PTPRD: variants seen among roughly 807,000 people sequenced by gnomAD.
PTPRD encodes receptor-type tyrosine-protein phosphatase delta.
Under a neutral mutation model 214.5 loss-of-function variants are expected in PTPRD, and 34 were observed. The observed-to-expected ratio is 0.16, with a 90% CI of 0.12 to 0.21. The LOEUF is 0.21. PTPRD is among the 10% of genes least tolerant of loss of function. PTPRD has a pLI of 1.00. For missense variants in PTPRD, 2,545 were observed against 2,398.7 expected, an observed-to-expected ratio of 1.06 and a Z score of -1.27; for synonymous variants, 1,128 against 845.7, an observed-to-expected ratio of 1.33 and a Z score of -5.79.
intron 11 of PTPRD, among the ~76,000 whole-genome samples, chr9:8,980,822 A>C (rs2099308909): frequency 6.6e-6 from 1 of 152,220 alleles, no homozygotes; most frequent in Middle Eastern, 3.4e-3. Flanking sequence ...TACGGTGTAC[A>C]TTTATGAATC....
intron 11 of PTPRD, among the ~76,000 whole-genome samples, chr9:8,777,833 G>C (rs903505591): frequency 1.2e-4 from 19 of 152,280 alleles, no homozygotes; most frequent in African/African-American, 4.1e-4. Context: ...GCAAAGCATA[G>C]TGATTATCTC....
At chr9:8,489,329 G>T (rs1230184235) in intron 27 of PTPRD, among the ~76,000 whole-genome samples, 1 of 152,186 alleles carries the variant, frequency 6.6e-6, no homozygotes, top group Non-Finnish European at 1.5e-5. Context: ...CGAGATCAAA[G>T]TAATGATATA....
chr9:9,755,117 G>C (rs1239872771), intron 6 of PTPRD, among the ~76,000 whole-genome samples: 1 of 151,962 alleles, frequency 6.6e-6, no homozygotes, highest in Admixed American at 6.6e-5. Flanking sequence ...AAGATCTCCA[G>C]ATGATTCCTA....
chr9:9,709,896 T>A (rs1196871828), intron 7 of PTPRD, among the ~76,000 whole-genome samples: 2 of 152,072 alleles, frequency 1.3e-5, no homozygotes, highest in Non-Finnish European at 2.9e-5. Flanking sequence ...TTTAATTAAA[T>A]CCCATTAATA....
intron 7 of PTPRD, among the ~76,000 whole-genome samples, chr9:9,712,986 G>C (rs1000693003): frequency 6.6e-6 from 1 of 152,116 alleles, no homozygotes; most frequent in Non-Finnish European, 1.5e-5. Context: ...CGCTAATCTT[G>C]TCCAGTTTAA....
chr9:9,788,636 A>G (rs2098944417), intron 5 of PTPRD, among the ~76,000 whole-genome samples: 2 of 152,044 alleles, frequency 1.3e-5, no homozygotes, highest in South Asian at 2.1e-4. Context: ...AATCCCGTAG[A>G]CACAGTATAT....
intron 14 of PTPRD, among the ~76,000 whole-genome samples, chr9:8,593,712 A>G (rs540597670): frequency 1.3e-5 from 2 of 152,310 alleles, no homozygotes; most frequent in East Asian, 3.9e-4. Flanking sequence ...ATTTTCAATG[A>G]AAGAGCTGTT....
chr9:9,071,410 C>T (rs980816890), intron 10 of PTPRD, among the ~76,000 whole-genome samples: 1 of 152,026 alleles, frequency 6.6e-6, no homozygotes, highest in South Asian at 2.1e-4. Flanking sequence ...CAGGTAAAAG[C>T]CCTTACAAAA....
chr9:9,265,318 G>A (rs2132388686), intron 9 of PTPRD, among the ~76,000 whole-genome samples: 1 of 151,750 alleles, frequency 6.6e-6, no homozygotes, highest in East Asian at 2.0e-4. Flanking sequence ...CCAGACTGCA[G>A]TGGCATAATC....
chr9:8,893,655 A>G (rs1190022350), intron 11 of PTPRD, among the ~76,000 whole-genome samples: 2 of 152,200 alleles, frequency 1.3e-5, no homozygotes, highest in African/African-American at 4.8e-5. Context: ...TCATACTTCC[A>G]GGTATGCAGT....
intron 39 of PTPRD, among the ~76,000 whole-genome samples, chr9:8,358,308 C>T (rs2077478008): frequency 6.6e-6 from 1 of 151,832 alleles, no homozygotes; most frequent in South Asian, 2.1e-4. Flanking sequence ...TCACTTCTTA[C>T]TGGTTAAAAT....
At chr9:8,498,574 A>G (rs187566349) in intron 25 of PTPRD, among the ~76,000 whole-genome samples, 7 of 152,342 alleles carry the variant, frequency 4.6e-5, no homozygotes, top group Non-Finnish European at 7.4e-5. Context: ...GCAGTTTTCA[A>G]CTTGCTTCAT....
chr9:10,250,686 A>C (rs1329608206), intron 3 of PTPRD, among the ~76,000 whole-genome samples: 1 of 152,072 alleles, frequency 6.6e-6, no homozygotes, highest in African/African-American at 2.4e-5. Flanking sequence ...TATCACTTCA[A>C]TTCTGGAACT....
chr9:10,161,014 G>C (rs2099124307), intron 3 of PTPRD, among the ~76,000 whole-genome samples: 1 of 151,752 alleles, frequency 6.6e-6, no homozygotes, highest in Non-Finnish European at 1.5e-5. Flanking sequence ...TTTAACCAAA[G>C]ATATAAAAAT....
intron 3 of PTPRD, among the ~76,000 whole-genome samples, chr9:10,211,247 G>A (rs1019333600): frequency 2.0e-5 from 3 of 152,024 alleles, no homozygotes; most frequent in Admixed American, 2.0e-4. Flanking sequence ...TGATTTAAGT[G>A]CCTGAAGAGC....
At position 8,316,565 on chromosome 9, in the gene PTPRD, C is replaced by T. The variant is rs1296223725; in HGVS notation, c.*1309G>A. ...TAGCTGATATATTACAACATTCTCC[C>T]CTCCTAAAGGGATATGCACTGACCT... On this transcript the variant is annotated 3_prime_UTR_variant, in exon 46 of 46. Transcript: ENST00000381196. The T allele has an allele frequency of 4.3e-6, 1 of 230,992 alleles. No homozygotes were observed. Among genetic ancestry groups the T allele is most frequent in the Non-Finnish European group, 8.6e-6 (1 of 116,330 alleles). 14.3% of individuals were successfully genotyped at this position (230,992 alleles called of 1,614,324 possible).
intron 7 of PTPRD, among the ~76,000 whole-genome samples, chr9:9,594,207 G>A (rs976251071): frequency 1.7e-4 from 26 of 152,034 alleles, no homozygotes; most frequent in African/African-American, 6.0e-4. Flanking sequence ...ACACATGTGA[G>A]AGAGTATATC....
intron 9 of PTPRD, among the ~76,000 whole-genome samples, chr9:9,323,865 T>C (rs1013265128): frequency 9.9e-5 from 15 of 152,070 alleles, no homozygotes; most frequent in African/African-American, 3.6e-4. Context: ...CAACAGGCCC[T>C]GGTGTGTGAT....
chr9:10,079,108 A>G (rs2098187012), intron 3 of PTPRD, among the ~76,000 whole-genome samples: 1 of 152,070 alleles, frequency 6.6e-6, no homozygotes, highest in South Asian at 2.1e-4. Flanking sequence ...TGTCCTCTTA[A>G]GAGACCAAAT....
Sources: gnomAD v4.1 joint callset for allele counts (sites outside exome capture counted in the v4.1 genomes callset) on GRCh38, gnomAD v4.1.1 for gene constraint, MANE v1.5 for transcripts, NCBI Gene and HGNC (gene_info 2026-07-23, HGNC 2026-07-21) for gene names.